SPAG16: variants seen among roughly 807,000 people sequenced by gnomAD.
SPAG16 encodes sperm-associated antigen 16 protein.
SPAG16 carries 86 observed loss-of-function variants against 80.4 expected under a neutral mutation model. That is an observed-to-expected ratio of 1.07 (90% CI 0.90 to 1.28). The LOEUF is 1.28. Ranked by LOEUF, SPAG16 falls within the 50% of genes most tolerant of loss-of-function variation. SPAG16 has a pLI of 0.00. For missense variants in SPAG16, 870 were observed against 765.3 expected (o/e 1.14, Z -1.61); for synonymous variants, 294 against 265.9 (o/e 1.11, Z -1.03).
chr2:213,662,056 AT>A lies in SPAG16; in HGVS notation c.1070+171967del, dbSNP rs576218954. Among the ~76,000 whole-genome samples the A allele has an allele frequency of 2.8e-3, 432 of 152,276 alleles. 2 individuals are homozygous for A. Among genetic ancestry groups the A allele is most frequent in the South Asian group, 8.7e-3 (42 of 4,828 alleles). On this transcript the variant is annotated intron_variant, in intron 10 of 15. Transcript: ENST00000331683. ...TTTTCACCTATAATATACAGTATTG[AT>A]AAACCTTATTAAAAACCTTCTCCAG...
At chr2:213,311,095 C>T (rs765626943) in intron 4 of SPAG16, among the ~76,000 whole-genome samples, 16 of 151,464 alleles carry the variant, frequency 1.1e-4, no homozygotes, top group Non-Finnish European at 2.2e-4. Flanking sequence ...TTAAATTGCA[C>T]ATGTAATGTT....
chr2:213,348,517 G>A (rs376459787), intron 6 of SPAG16, among the ~76,000 whole-genome samples: 17 of 152,184 alleles, frequency 1.1e-4, no homozygotes, highest in East Asian at 7.7e-4. Flanking sequence ...GGCTGTTACC[G>A]GTTGTTCCTT....
chr2:213,897,492 T>A (rs1292989611), intron 11 of SPAG16, among the ~76,000 whole-genome samples: 2 of 152,206 alleles, frequency 1.3e-5, no homozygotes, highest in Admixed American at 1.3e-4. Context: ...TTTATTGTTT[T>A]CTTGGATATA....
At chr2:213,448,058 G>T (rs1162098614) in intron 9 of SPAG16, among the ~76,000 whole-genome samples, 2 of 152,208 alleles carry the variant, frequency 1.3e-5, no homozygotes, top group African/African-American at 4.8e-5. Context: ...GGCTTATTTT[G>T]TTAATGATTG....
chr2:213,772,035 T>C (rs1468768596), intron 10 of SPAG16, among the ~76,000 whole-genome samples: 3 of 152,222 alleles, frequency 2.0e-5, no homozygotes, highest in African/African-American at 7.2e-5. Flanking sequence ...ATAAATTACT[T>C]TGGGCACTTT....
chr2:214,210,658 AAAG>A (rs1424935493), intron 15 of SPAG16, among the ~76,000 whole-genome samples: 2 of 152,140 alleles, frequency 1.3e-5, no homozygotes, highest in Non-Finnish European at 2.9e-5. Context: ...TGATTGGAAA[AAAG>A]AAGAATTATT....
chr2:213,488,979 G>T lies in SPAG16; in HGVS notation c.943-984G>T, dbSNP rs578146152. ...AGTCCCAGCTACGCAGGAGGCTGAG[G>T]CACGGGAATCGCCTGAATCCGGAAG... On this transcript the variant is annotated intron_variant, in intron 9 of 15. Coordinates refer to ENST00000331683, the MANE Select transcript of SPAG16 (RefSeq NM_024532.5). Among the ~76,000 whole-genome samples the T allele has an allele frequency of 7.3e-5, 11 of 151,302 alleles. 1 individual carries two copies. The highest frequency in any genetic ancestry group is 2.7e-4 in the African/African-American group (11 of 41,228).
At chr2:213,817,376 C>G (rs1471657691) in intron 10 of SPAG16, among the ~76,000 whole-genome samples, 3 of 151,294 alleles carry the variant, frequency 2.0e-5, no homozygotes, top group African/African-American at 4.9e-5. Context: ...ACACTATATA[C>G]ACTGTTAGTG....
intron 15 of SPAG16, among the ~76,000 whole-genome samples, chr2:214,263,003 G>A (rs1004816666): frequency 3.3e-5 from 5 of 151,990 alleles, no homozygotes; most frequent in Non-Finnish European, 7.4e-5. Flanking sequence ...TTTGATATAT[G>A]CATGGATTAT....
chr2:214,371,143 C>T (rs13420690), intron 15 of SPAG16, among the ~76,000 whole-genome samples: 7 of 151,952 alleles, frequency 4.6e-5, no homozygotes, highest in African/African-American at 1.7e-4. Context: ...TGTAGACTAA[C>T]GTTGAGGACA....
At chr2:213,724,814 A>G (rs532735526) in intron 10 of SPAG16, among the ~76,000 whole-genome samples, 1 of 149,320 alleles carries the variant, frequency 6.7e-6, no homozygotes, top group South Asian at 2.1e-4. Flanking sequence ...AAAAAGGATA[A>G]ACTAAGTTTA....
At chr2:214,227,769 C>CTATCTTATTATTTT (rs1688378990) in intron 15 of SPAG16, among the ~76,000 whole-genome samples, 1 of 146,086 alleles carries the variant, frequency 6.8e-6, no homozygotes, top group East Asian at 2.1e-4. Context: ...TTTAATTTTC[C>CTATCTTATTATTTT]TATCTTATTA....
chr2:213,668,475 A>C (rs1015720687), intron 10 of SPAG16, among the ~76,000 whole-genome samples: 1 of 152,136 alleles, frequency 6.6e-6, no homozygotes, highest in African/African-American at 2.4e-5. Context: ...AAGCTGGGTA[A>C]AGTAATTTTT....
intron 15 of SPAG16, among the ~76,000 whole-genome samples, chr2:214,334,517 A>G (rs1295919542): frequency 6.6e-6 from 1 of 152,168 alleles, no homozygotes; most frequent in Non-Finnish European, 1.5e-5. Context: ...CTTCTCTGCA[A>G]TTCTGCCACC....
intron 12 of SPAG16, among the ~76,000 whole-genome samples, chr2:213,947,842 A>C (rs946162476): frequency 1.3e-5 from 2 of 152,126 alleles, no homozygotes; most frequent in Non-Finnish European, 2.9e-5. Flanking sequence ...TGATTATTAT[A>C]ACCGTATAGT....
chr2:213,326,254 G>A (rs1420347431), intron 5 of SPAG16, among the ~76,000 whole-genome samples: 1 of 151,932 alleles, frequency 6.6e-6, no homozygotes, highest in African/African-American at 2.4e-5. Flanking sequence ...TAATTACATG[G>A]CAATTAATAT....
chr2:213,696,826 C>T (rs1051529027), intron 10 of SPAG16, among the ~76,000 whole-genome samples: 3 of 152,036 alleles, frequency 2.0e-5, no homozygotes, highest in Admixed American at 2.0e-4. Flanking sequence ...GAGACAGAGA[C>T]AACAGACAAC....
At chr2:213,418,894 G>C (rs2069422522) in intron 9 of SPAG16, among the ~76,000 whole-genome samples, 1 of 152,034 alleles carries the variant, frequency 6.6e-6, no homozygotes, top group Admixed American at 6.5e-5. Flanking sequence ...CATTGCTTAG[G>C]GGCACCATCA....
intron 12 of SPAG16, among the ~76,000 whole-genome samples, chr2:213,948,604 T>A (rs2079572129): frequency 6.6e-6 from 1 of 152,190 alleles, no homozygotes; most frequent in Admixed American, 6.5e-5. Context: ...ATTTGTTCTA[T>A]GTCATTAAGC....
Sources: gnomAD v4.1 joint callset for allele counts (sites outside exome capture counted in the v4.1 genomes callset) on GRCh38, gnomAD v4.1.1 for gene constraint, MANE v1.5 for transcripts, NCBI Gene and HGNC (gene_info 2026-07-23, HGNC 2026-07-21) for gene names.